The following TJP2 variants were observed in gnomAD, a reference collection of about 807,000 sequenced individuals.
TJP2 encodes Friedreich ataxia region gene X104 (tight junction protein ZO-2).
A neutral mutation model predicts 133.1 loss-of-function variants in TJP2; 91 were observed. That is an observed-to-expected ratio of 0.68 (90% CI 0.58 to 0.81). TJP2 has a LOEUF of 0.81. TJP2 is among the 40% of genes least tolerant of loss of function. The probability of loss-of-function intolerance (pLI) is 0.00; values close to 1 mark genes in which losing one functional copy is unlikely to be tolerated. For missense variants in TJP2, 1,541 were observed against 1,565.6 expected (o/e 0.98, Z 0.26); for synonymous variants, 592 against 583.4 (o/e 1.01, Z -0.21).
intron 1 of TJP2, among the ~76,000 whole-genome samples, chr9:69,195,365 C>A (rs567982115): frequency 1.3e-5 from 2 of 151,290 alleles, no homozygotes; most frequent in Admixed American, 6.6e-5. Context: ...TATAGCTTAG[C>A]TTAGTGTATC....
At chr9:69,243,365 A>C (rs541418491) in intron 17 of TJP2, among the ~76,000 whole-genome samples, 7 of 152,338 alleles carry the variant, frequency 4.6e-5, no homozygotes, top group African/African-American at 1.4e-4. Flanking sequence ...TTTAATTATG[A>C]CAATATGAAA....
chr9:69,205,334 A>G, intron 1 of TJP2: 1 of 1,520,246 alleles, frequency 6.6e-7, no homozygotes, highest in South Asian at 1.2e-5. Flanking sequence ...TTATCCTCAG[A>G]TTGATTTGTG....
In TJP2 at chr9:69,174,368, C is replaced by G; in HGVS notation, c.-5C>G. 1 of 1,551,744 alleles carries G rather than the reference C, an allele frequency of 6.4e-7. No homozygotes were observed. The highest frequency in any genetic ancestry group is 8.7e-7 in the Non-Finnish European group (1 of 1,147,032). On this transcript the variant is annotated 5_prime_UTR_variant, in exon 1 of 23. Transcript: ENST00000377245. ...CTGCGCGCCTACGCGGGACCTGTGTCCGAAATGCCGGTGCGAGGAGACCGC... is the reference window on the plus strand; with the variant it reads ...CTGCGCGCCTACGCGGGACCTGTGTGCGAAATGCCGGTGCGAGGAGACCGC...
chr9:69,203,720 C>T (rs1171955198), intron 1 of TJP2, among the ~76,000 whole-genome samples: 1 of 147,626 alleles, frequency 6.8e-6, no homozygotes, highest in Admixed American at 7.0e-5. Context: ...CTCAGGTGAT[C>T]CTCCTACCTC....
upstream of TJP2, chr9:69,174,032 G>A: frequency 1.9e-6 from 2 of 1,042,698 alleles, no homozygotes; most frequent in Non-Finnish European, 2.3e-6. Flanking sequence ...GCCGCCTCCC[G>A]CCCCCGGCCA....
At chr9:69,127,802 C>T (rs1462755075) in intron 1 of TJP2, among the ~76,000 whole-genome samples, 1 of 76,394 alleles carries the variant, frequency 1.3e-5, no homozygotes, top group East Asian at 3.9e-4. Context: ...CTATGGGAGC[C>T]GTGGTTTACT....
At chr9:69,180,350 AAC>A (rs1250251719) in intron 1 of TJP2, among the ~76,000 whole-genome samples, 1 of 152,206 alleles carries the variant, frequency 6.6e-6, no homozygotes, top group Non-Finnish European at 1.5e-5. Flanking sequence ...GTTGAAGGTA[AAC>A]AGAGAAAACA....
chr9:69,173,101 T>C (rs1824779554), upstream of TJP2, among the ~76,000 whole-genome samples: 1 of 152,174 alleles, frequency 6.6e-6, no homozygotes, highest in Non-Finnish European at 1.5e-5. Context: ...CTTCTAGACT[T>C]GTTTTGATCA....
At position 69,230,103 on chromosome 9, in the gene TJP2, G is replaced by A. The variant is rs202207638; in HGVS notation, c.1542G>A (p.Arg514=). 2.5e-6 allele frequency: 4 copies of A among 1,614,164 alleles called. No homozygotes were observed. Among genetic ancestry groups the A allele is most frequent in the East Asian group, 4.5e-5 (2 of 44,894 alleles). Residue 514 remains arginine, a synonymous_variant, in exon 11 of 23, where the codon AGG becomes AGA. Coordinates refer to ENST00000377245, the MANE Select transcript of TJP2 (RefSeq NM_004817.4). The stretch of plus-strand genomic sequence containing the variant: ...GCAGCCCTAATACCAAAATGGTAAG[G>A]TTCAAGAAGGGAGACAGCGTGGGCC... The part of the protein sequence containing the change: ...AIYGPNTKMV[R]FKKGDSVGLR...
intron 22 of TJP2, 102 bp from the exon 23 acceptor site, chr9:69,254,107 C>A: frequency 7.4e-7 from 1 of 1,350,734 alleles, no homozygotes; most frequent in Non-Finnish European, 1.1e-6. Context: ...GGTAAGTGAT[C>A]TGCTCGGGAT....
chr9:69,207,855 G>T (rs912859644), intron 1 of TJP2, among the ~76,000 whole-genome samples: 4 of 152,226 alleles, frequency 2.6e-5, no homozygotes, highest in Non-Finnish European at 5.9e-5. Flanking sequence ...TAGAGCTGAT[G>T]TTCTGAGGAA....
intron 1 of TJP2, among the ~76,000 whole-genome samples, chr9:69,134,160 A>G (rs1822625955): frequency 6.6e-6 from 1 of 152,158 alleles, no homozygotes; most frequent in Non-Finnish European, 1.5e-5. Context: ...AGTGCCAATC[A>G]GACTGTTTGA....
At chr9:69,248,397 A>T in intron 19 of TJP2, 173 bp downstream of exon 19, 1 of 1,434,564 alleles carries the variant, frequency 7.0e-7, no homozygotes, top group Non-Finnish European at 9.2e-7. Context: ...AGTCTGTGGG[A>T]AAGTGGGGCA....
chr9:69,196,466 C>T (rs1050692689), intron 1 of TJP2, among the ~76,000 whole-genome samples: 1 of 152,156 alleles, frequency 6.6e-6, no homozygotes, highest in Admixed American at 6.5e-5. Context: ...AGAGGTGGGT[C>T]TTGTTACTGC....
At chr9:69,184,165 A>G (rs565903925) in intron 1 of TJP2, among the ~76,000 whole-genome samples, 1 of 152,266 alleles carries the variant, frequency 6.6e-6, no homozygotes, top group Non-Finnish European at 1.5e-5. Flanking sequence ...GGCCTACCCT[A>G]TCAGTCATGG....
intron 1 of TJP2, among the ~76,000 whole-genome samples, chr9:69,190,428 AAATAT>A (rs1219405352): frequency 6.6e-6 from 1 of 152,226 alleles, no homozygotes; most frequent in African/African-American, 2.4e-5. Flanking sequence ...GTTTAGGTAA[AAATAT>A]AACCAGAGAA....
intron 2 of TJP2, among the ~76,000 whole-genome samples, chr9:69,215,946 A>T (rs531508486): frequency 2.4e-4 from 36 of 152,342 alleles, no homozygotes; most frequent in Non-Finnish European, 4.4e-4. Flanking sequence ...TAAAAAATAC[A>T]GTTTTAGTAC....
At chr9:69,223,529 G>A (rs59735501) in intron 5 of TJP2, among the ~76,000 whole-genome samples, 5 of 152,150 alleles carry the variant, frequency 3.3e-5, no homozygotes, top group Admixed American at 1.3e-4. Flanking sequence ...GGATGGTCTC[G>A]ATCTCCTGAC....
intron 1 of TJP2, among the ~76,000 whole-genome samples, chr9:69,183,520 T>A (rs1198496665): frequency 1.3e-5 from 2 of 152,208 alleles, no homozygotes; most frequent in Non-Finnish European, 2.9e-5. Flanking sequence ...AGTAGTTCTT[T>A]TTTGCCACTG....
Sources: allele counts gnomAD v4.1 joint callset (sites outside exome capture counted in the v4.1 genomes callset), GRCh38; gene constraint gnomAD v4.1.1; transcripts MANE v1.5; gene names NCBI Gene and HGNC (gene_info 2026-07-23, HGNC 2026-07-21).